The following PAK4 variants were observed in gnomAD, a reference collection of about 807,000 sequenced individuals.
PAK4 encodes the protein serine/threonine-protein kinase PAK 4.
Under a neutral mutation model 53.5 loss-of-function variants are expected in PAK4, and 49 were observed. The observed-to-expected ratio is 0.92, with a 90% CI of 0.73 to 1.16. The LOEUF is 1.16. Among genes scored for constraint, PAK4 ranks in the 50% most tolerant of loss-of-function variants. PAK4 has a pLI of 0.00. For synonymous variants in PAK4, 376 were observed against 375.6 expected, an observed-to-expected ratio of 1.00 and a Z score of -0.01; for missense variants, 824 against 850.7, an observed-to-expected ratio of 0.97 and a Z score of 0.39.
At chr19:39,176,541 C>T in intron 6 of PAK4, 49 bp from the exon 8 acceptor site, 3 of 1,612,222 alleles carry the variant, frequency 1.9e-6, no homozygotes, top group East Asian at 4.5e-5. Context: ...CCTGCTCGCC[C>T]TCCTGCTGTG....
chr19:39,140,913 G>A (rs1388659582), intron 1 of PAK4, among the ~76,000 whole-genome samples: 2 of 152,160 alleles, frequency 1.3e-5, no homozygotes, highest in African/African-American at 2.4e-5. Context: ...GCTCAGAACA[G>A]GGCCACTGTC....
At chr19:39,147,053 C>CT (rs1208241588) in intron 1 of PAK4, among the ~76,000 whole-genome samples, 2 of 26,512 alleles carry the variant, frequency 7.5e-5, no homozygotes, top group African/African-American at 2.3e-4. Flanking sequence ...GACATTGACA[C>CT]TGTCATTGTC....
intron 1 of PAK4, among the ~76,000 whole-genome samples, chr19:39,154,985 CAGCCCACGT>C (rs1433722805): frequency 6.6e-6 from 1 of 152,240 alleles, no homozygotes; most frequent in Non-Finnish European, 1.5e-5. Flanking sequence ...GCTGGCCTCC[CAGCCCACGT>C]TCTGTGTGTG....
At chr19:39,158,579 C>T (rs1443960513) in intron 1 of PAK4, among the ~76,000 whole-genome samples, 1 of 152,190 alleles carries the variant, frequency 6.6e-6, no homozygotes, top group East Asian at 1.9e-4. Context: ...GTGAAGGGCA[C>T]CAGCAGTGCC....
rs543694482 is a variant in PAK4, at chr19:39,139,676, C to T, written c.-23+13757C>T. Among the ~76,000 whole-genome samples the T allele has an allele frequency of 3.9e-5, 6 of 152,298 alleles. No individual in the cohort carries two copies. In the South Asian group the frequency reaches 1.2e-3, roughly 32 times the overall value. On this transcript the variant is annotated intron_variant, in intron 1 of 8. Transcript: ENST00000358301. Reference sequence around the variant, plus strand: ...TCTTTACACCCTCCCCCATCCAGGTCTCAGGGCTGGATCCATCCTCCTGCC... The same window carrying T: ...TCTTTACACCCTCCCCCATCCAGGTTTCAGGGCTGGATCCATCCTCCTGCC...
chr19:39,167,075 G>A (rs1356597700), intron 1 of PAK4, among the ~76,000 whole-genome samples: 1 of 152,332 alleles, frequency 6.6e-6, no homozygotes, highest in East Asian at 1.9e-4. Context: ...TGGGCCAGCC[G>A]CCCGCCCTCC....
rs1204259885 is a variant in PAK4 at position 39,173,884 on chromosome 19, C to G, written c.972C>G (p.Phe324Leu). ...ACCCCCGCTCCTACCTGGACAACTTCATCAAGATTGGCGAGGGCTCCACGG... is the reference window on the plus strand; with the variant it reads ...ACCCCCGCTCCTACCTGGACAACTTGATCAAGATTGGCGAGGGCTCCACGG... The change falls in exon 4 of 9, where the codon TTC becomes TTG. Residue 324 changes from phenylalanine (F) to leucine (L), a missense_variant. Phe to Leu is a conservative substitution (Grantham distance 22). Coordinates refer to ENST00000358301, the Ensembl canonical transcript of PAK4. This position sits in a 1 kb window ranked among gnomAD's most constrained non-coding sequence, Gnocchi z 6.9. The G allele has an allele frequency of 6.2e-7, 1 of 1,612,644 alleles. No homozygotes were observed. The highest frequency in any genetic ancestry group is 8.5e-7 in the Non-Finnish European group (1 of 1,179,830).
chr19:39,158,567 G>C (rs1375981481), intron 1 of PAK4, among the ~76,000 whole-genome samples: 1 of 152,236 alleles, frequency 6.6e-6, no homozygotes, highest in African/African-American at 2.4e-5. Flanking sequence ...TACCTCTGGG[G>C]GGTGAAGGGC....
At chr19:39,147,526 T>A (rs902111490) in intron 1 of PAK4, among the ~76,000 whole-genome samples, 6 of 152,232 alleles carry the variant, frequency 3.9e-5, no homozygotes, top group African/African-American at 1.4e-4. Context: ...AGAGGTACAA[T>A]TGCTGGGCAG....
intron 1 of PAK4, among the ~76,000 whole-genome samples, chr19:39,147,055 GTC>G (rs2074011236): frequency 3.8e-5 from 1 of 26,200 alleles, no homozygotes; most frequent in African/African-American, 1.2e-4. Flanking sequence ...CATTGACACT[GTC>G]ATTGTCAATT....
chr19:39,175,496 T>C lies in PAK4; in HGVS notation c.1359+58T>C. 3 of 1,519,436 alleles carry C rather than the reference T, an allele frequency of 2.0e-6. No individual in the cohort carries two copies. Among genetic ancestry groups the C allele is most frequent in the Non-Finnish European group, 8.9e-7 (1 of 1,118,174 alleles). 94.1% of individuals were successfully genotyped at this position (1,519,436 alleles called of 1,614,324 possible). A position where few individuals can be genotyped will look rare whatever the true frequency, so the allele number is the denominator to read the frequency against. On this transcript the variant is annotated intron_variant, in intron 6 of 8. Coordinates refer to ENST00000358301, the Ensembl canonical transcript of PAK4. This position sits in a 1 kb window ranked among gnomAD's most constrained non-coding sequence, Gnocchi z 4.7. Reference sequence around the variant, plus strand: ...CAGGTTTCCGGCTGCGGGGCTTCCCTGCCTCTTCCCATCCCCTGTGAGGGT... The same window carrying C: ...CAGGTTTCCGGCTGCGGGGCTTCCCCGCCTCTTCCCATCCCCTGTGAGGGT...
chr19:39,156,741 G>GGC (rs2074189892), intron 1 of PAK4: 1 of 152,282 alleles, frequency 6.6e-6, no homozygotes, highest in Non-Finnish European at 1.5e-5. Flanking sequence ...TGCCCATGTT[G>GGC]AGGGCCTGGG....
In PAK4 at chr19:39,161,218, C is replaced by A. The variant is rs966881846; in HGVS notation, c.-22-8314C>A. Among the ~76,000 whole-genome samples, 1 of 152,228 alleles carries A rather than the reference C, an allele frequency of 6.6e-6. No individual in the cohort carries two copies. Among genetic ancestry groups the A allele is most frequent in the African/African-American group, 2.4e-5 (1 of 41,452 alleles). ...GGCACTGAAATGCAGCCATCATGAA[C>A]CAAAACGCGGTCCCTGTCCATATGA... On this transcript the variant is annotated intron_variant, in intron 1 of 8. Transcript: ENST00000358301. The surrounding 1 kb of genome is among the most constrained non-coding windows in gnomAD (Gnocchi z 4.5).
At chr19:39,177,296 A>G (rs1402839560) in intron 7 of PAK4, among the ~76,000 whole-genome samples, 1 of 152,164 alleles carries the variant, frequency 6.6e-6, no homozygotes, top group African/African-American at 2.4e-5. Context: ...TTTTGGGTAA[A>G]GTCCCCAGGT....
At position 39,175,764 on chromosome 19, in the gene PAK4, A is replaced by G. The variant is rs1255634812; in HGVS notation, c.1359+326A>G. ...AAAAGCTGCTCCCTGCCCAGCACCC[A>G]GGGCGGTCCATGGACCCCAGTCCTG... On this transcript the variant is annotated intron_variant, in intron 6 of 8. Transcript: ENST00000358301. This position sits in a 1 kb window ranked among gnomAD's most constrained non-coding sequence, Gnocchi z 4.7. 6.6e-6 allele frequency among the ~76,000 whole-genome samples: 1 copy of G among 152,216 alleles called. No individual in the cohort carries two copies. The highest frequency in any genetic ancestry group is 1.5e-5 in the Non-Finnish European group (1 of 68,034).
chr19:39,143,564 G>C (rs1242181149), intron 1 of PAK4, among the ~76,000 whole-genome samples: 2 of 115,044 alleles, frequency 1.7e-5, no homozygotes, highest in Non-Finnish European at 3.3e-5. Context: ...ATGCACTCCA[G>C]CCTGGGTGAC....
At chr19:39,133,850 C>T (rs16973211) in intron 1 of PAK4, among the ~76,000 whole-genome samples, 2,901 of 152,332 alleles carry the variant, frequency 0.019, 98 homozygotes, top group African/African-American at 0.067. Context: ...AGGCGGAAGG[C>T]GGCCGGTCTT....
intron 1 of PAK4, among the ~76,000 whole-genome samples, chr19:39,165,093 C>G (rs1346528904): frequency 6.6e-6 from 1 of 150,960 alleles, no homozygotes; most frequent in Non-Finnish European, 1.5e-5. Flanking sequence ...TCAGCAGAGA[C>G]TAGGCAGGAG....
chr19:39,164,277 CAAAAAAA>C (rs57848634), intron 1 of PAK4, among the ~76,000 whole-genome samples: 15 of 77,750 alleles, frequency 1.9e-4, no homozygotes, highest in Admixed American at 9.0e-4. Flanking sequence ...AACTCTGTCT[CAAAAAAA>C]AAAAAAAAAA....
Sources: allele counts gnomAD v4.1 joint callset (sites outside exome capture counted in the v4.1 genomes callset), GRCh38; gene constraint gnomAD v4.1.1; non-coding constraint Gnocchi (gnomAD v3.1); transcripts MANE v1.5; gene names NCBI Gene and HGNC (gene_info 2026-07-23, HGNC 2026-07-21).